Variants in HIP1 observed in about 807,000 individuals in gnomAD.
HIP1 encodes the protein huntingtin-interacting protein 1.
HIP1 carries 65 observed loss-of-function variants against 147.6 expected under a neutral mutation model. The ratio of observed to expected loss-of-function variants is 0.44; its 90% CI spans 0.36 to 0.54. The LOEUF (loss-of-function observed/expected upper bound fraction) is 0.54. HIP1 is among the 20% of genes least tolerant of loss of function. The pLI is 0.00. For missense variants in HIP1, 1,061 were observed against 1,299.6 expected (o/e 0.82, Z 2.82); for synonymous variants, 479 against 504.0 (o/e 0.95, Z 0.67).
chr7:75,555,205 G>GGGGGGGGA (rs1794951317), intron 19 of HIP1, among the ~76,000 whole-genome samples: 2 of 111,194 alleles, frequency 1.8e-5, no homozygotes, highest in African/African-American at 3.4e-5. Context: ...CGGGGGGGGG[G>GGGGGGGGA]AAGAAAATAC....
At chr7:75,635,026 A>G (rs1179633) in intron 1 of HIP1, among the ~76,000 whole-genome samples, 72,594 of 150,270 alleles carry the variant, frequency 0.48, 18,278 homozygotes, top group African/African-American at 0.63. Context: ...TTATGTAAAC[A>G]TTATGTTCTT....
intron 1 of HIP1, among the ~76,000 whole-genome samples, chr7:75,628,525 C>T (rs1798115860): frequency 6.8e-6 from 1 of 147,328 alleles, no homozygotes; most frequent in Non-Finnish European, 1.5e-5. Context: ...GTCACCCAGG[C>T]CAGACTGTAG....
intron 1 of HIP1, among the ~76,000 whole-genome samples, chr7:75,696,826 C>A (rs1489922984): frequency 6.6e-6 from 1 of 151,300 alleles, no homozygotes; most frequent in Non-Finnish European, 1.5e-5. Flanking sequence ...TCTTGAACTC[C>A]TGACCTGAAG....
At chr7:75,566,412 C>T (rs1414818749) in intron 9 of HIP1, among the ~76,000 whole-genome samples, 3 of 151,472 alleles carry the variant, frequency 2.0e-5, no homozygotes, top group Non-Finnish European at 4.4e-5. Flanking sequence ...ACGCAGTGAG[C>T]CCAGAATAGC....
intron 1 of HIP1, among the ~76,000 whole-genome samples, chr7:75,692,137 TC>T (rs1268256375): frequency 6.6e-6 from 1 of 152,070 alleles, no homozygotes; most frequent in Non-Finnish European, 1.5e-5. Flanking sequence ...TTCCGTTGTC[TC>T]CCCCCGTCCC....
intron 1 of HIP1, among the ~76,000 whole-genome samples, chr7:75,724,594 C>A (rs1186209061): frequency 6.6e-6 from 1 of 152,208 alleles, no homozygotes; most frequent in Non-Finnish European, 1.5e-5. Flanking sequence ...AGCCACCATG[C>A]CTAGCCATCG....
chr7:75,619,498 A>G (rs1161710361), intron 1 of HIP1, among the ~76,000 whole-genome samples: 11 of 148,918 alleles, frequency 7.4e-5, no homozygotes, highest in African/African-American at 2.8e-4. Flanking sequence ...CCTGGGCGAC[A>G]GAGCAAGACT....
intron 1 of HIP1, among the ~76,000 whole-genome samples, chr7:75,694,045 C>A (rs1338356892): frequency 6.6e-6 from 1 of 150,648 alleles, no homozygotes; most frequent in African/African-American, 2.4e-5. Context: ...TCAGCCTCCC[C>A]AGTAGCTGGG....
chr7:75,572,419 C>G (rs1335643746), intron 8 of HIP1, among the ~76,000 whole-genome samples: 1 of 151,620 alleles, frequency 6.6e-6, no homozygotes, highest in Non-Finnish European at 1.5e-5. Context: ...GATAAATGGT[C>G]TGGAAATCAT....
chr7:75,715,570 G>C (rs932113991), intron 1 of HIP1, among the ~76,000 whole-genome samples: 1 of 151,310 alleles, frequency 6.6e-6, no homozygotes, highest in African/African-American at 2.4e-5. Flanking sequence ...TCAGGAGTTC[G>C]AGACCAGCCT....
chr7:75,607,058 C>A (rs888418092), intron 1 of HIP1, among the ~76,000 whole-genome samples: 8 of 151,502 alleles, frequency 5.3e-5, no homozygotes, highest in African/African-American at 1.9e-4. Context: ...AGCGAGACCC[C>A]ATCTCTAAAA....
intron 1 of HIP1, among the ~76,000 whole-genome samples, chr7:75,734,655 C>T (rs1801959496): frequency 6.6e-6 from 1 of 152,094 alleles, no homozygotes; most frequent in African/African-American, 2.4e-5. Flanking sequence ...GTCACAGGAA[C>T]TAGGAGAGGT....
At chr7:75,579,030 G>C (rs1795944245) in intron 7 of HIP1, among the ~76,000 whole-genome samples, 1 of 152,034 alleles carries the variant, frequency 6.6e-6, no homozygotes. Context: ...ATGTTGGCCA[G>C]GCTGGTCTTG....
rs369684469 is a variant in HIP1, at chr7:75,556,017, G to A, written c.1827+9C>T. 1.9e-6 allele frequency: 3 copies of A among 1,613,752 alleles called. No individual in the cohort carries two copies. Among genetic ancestry groups the A allele is most frequent in the Non-Finnish European group, 2.5e-6 (3 of 1,179,792 alleles). ...CAGGTGCTCGCTCGTGTCCATGTCC[G>A]TGACTTGCCTCTGTGCTGGCCAGTT... On this transcript the variant is annotated intron_variant, in intron 18 of 30. Coordinates refer to ENST00000336926, the MANE Select transcript of HIP1 (RefSeq NM_005338.7).
At chr7:75,593,233 T>C (rs898707370) in intron 2 of HIP1, among the ~76,000 whole-genome samples, 8 of 152,174 alleles carry the variant, frequency 5.3e-5, no homozygotes, top group Non-Finnish European at 1.0e-4. Flanking sequence ...CCTCGCAAAG[T>C]GCTGGGGTTA....
chr7:75,612,436 G>C (rs1005918113), intron 1 of HIP1, among the ~76,000 whole-genome samples: 1 of 152,014 alleles, frequency 6.6e-6, no homozygotes, highest in Non-Finnish European at 1.5e-5. Context: ...TTGAACCCAC[G>C]AGGTGGAGGT....
At chr7:75,688,767 A>C (rs1214320452) in intron 1 of HIP1, among the ~76,000 whole-genome samples, 2 of 151,952 alleles carry the variant, frequency 1.3e-5, no homozygotes, top group Non-Finnish European at 2.9e-5. Flanking sequence ...CAAATTCCAG[A>C]GCCTCCCCAG....
intron 1 of HIP1, among the ~76,000 whole-genome samples, chr7:75,609,903 C>CTTTTTTTTTTT (rs56106169): frequency 1.5e-5 from 2 of 131,004 alleles, no homozygotes; most frequent in South Asian, 2.4e-4. Flanking sequence ...CTCTTCTTTT[C>CTTTTTTTTTTT]TTTTTTTTTT....
At chr7:75,585,770 C>T (rs1554499504) in intron 5 of HIP1, among the ~76,000 whole-genome samples, 1 of 152,012 alleles carries the variant, frequency 6.6e-6, no homozygotes, top group East Asian at 1.9e-4. Context: ...GTACACCCCG[C>T]AGCTGCTCGC....
Sources: allele counts gnomAD v4.1 joint callset (sites outside exome capture counted in the v4.1 genomes callset), GRCh38; gene constraint gnomAD v4.1.1; transcripts MANE v1.5; gene names NCBI Gene and HGNC (gene_info 2026-07-23, HGNC 2026-07-21).